The following MLIP variants were observed in gnomAD, a reference collection of about 807,000 sequenced individuals.
MLIP encodes the protein muscular LMNA interacting protein, also known as muscular LMNA-interacting protein.
Under a neutral mutation model 84.8 loss-of-function variants are expected in MLIP, and 79 were observed. That is an observed-to-expected ratio of 0.93 (90% CI 0.78 to 1.12). The LOEUF is 1.12. Among genes scored for constraint, MLIP ranks in the 50% most tolerant of loss-of-function variants. The probability of loss-of-function intolerance (pLI) is 0.00; values close to 1 mark genes in which losing one functional copy is unlikely to be tolerated. For synonymous variants in MLIP, 504 were observed against 463.0 expected (o/e 1.09, Z -1.14); for missense variants, 1,257 against 1,160.6 (o/e 1.08, Z -1.21).
chr6:54,102,563 T>C (rs1300090865), intron 1 of MLIP, among the ~76,000 whole-genome samples: 2 of 152,192 alleles, frequency 1.3e-5, no homozygotes, highest in East Asian at 3.8e-4. Flanking sequence ...TGGTATATCT[T>C]CAAAGTGACA....
Position 54,195,938 on chromosome 6 carries a change from C to T in MLIP, c.2589+6024C>T, listed in dbSNP as rs74936853. Reference sequence around the variant, plus strand: ...TATTTTAAATGAAGAAGATTAAAATCGTGTAAAGTCCCTAAAGAAGTGGCC... The same window carrying T: ...TATTTTAAATGAAGAAGATTAAAATTGTGTAAAGTCCCTAAAGAAGTGGCC... On this transcript the variant is annotated intron_variant, in intron 10 of 13. Transcript: ENST00000502396. Among the ~76,000 whole-genome samples the T allele has an allele frequency of 2.3e-3, 344 of 152,214 alleles. 2 individuals carry two copies. Among genetic ancestry groups the T allele is most frequent in the African/African-American group, 7.3e-3 (305 of 41,558 alleles).
chr6:54,257,383 A>G (rs1783079236), intron 13 of MLIP, 22 bp downstream of exon 13: 1 of 1,524,610 alleles, frequency 6.6e-7, no homozygotes, highest in Non-Finnish European at 9.1e-7. Context: ...ATAGGACTGG[A>G]TATCTAATTA....
chr6:54,059,416 T>C (rs989760404), intron 1 of MLIP, among the ~76,000 whole-genome samples: 2 of 152,218 alleles, frequency 1.3e-5, no homozygotes, highest in Non-Finnish European at 2.9e-5. Flanking sequence ...AATATTACAA[T>C]ACTGCTGCTA....
intron 10 of MLIP, among the ~76,000 whole-genome samples, chr6:54,194,806 T>A (rs559211830): frequency 2.0e-5 from 3 of 151,866 alleles, no homozygotes; most frequent in South Asian, 4.2e-4. Context: ...ATATCTAGAA[T>A]GCCATGTCAA....
chr6:54,099,595 T>C (rs1305987788), intron 1 of MLIP: 2 of 152,208 alleles, frequency 1.3e-5, no homozygotes, highest in African/African-American at 4.8e-5. Context: ...TCAGCGTCTC[T>C]AACCCTTTTC....
intron 12 of MLIP, among the ~76,000 whole-genome samples, chr6:54,252,284 ATATAT>A (rs1368576123): frequency 8.6e-6 from 1 of 115,908 alleles, no homozygotes; most frequent in Non-Finnish European, 1.6e-5. Context: ...TATAACTATA[ATATAT>A]TATACCATAT....
At chr6:54,089,386 C>A (rs2150368822) in intron 1 of MLIP, among the ~76,000 whole-genome samples, 1 of 152,162 alleles carries the variant, frequency 6.6e-6, no homozygotes, top group South Asian at 2.1e-4. Flanking sequence ...GTTTTATATC[C>A]CAAGGCCACA....
chr6:54,041,624 A>G (rs900957966), intron 1 of MLIP, among the ~76,000 whole-genome samples: 2 of 152,112 alleles, frequency 1.3e-5, no homozygotes, highest in Non-Finnish European at 2.9e-5. Context: ...TCATCCTAAT[A>G]GGCACGTGCT....
chr6:54,209,812 A>G (rs1197572483), intron 11 of MLIP, among the ~76,000 whole-genome samples: 1 of 152,190 alleles, frequency 6.6e-6, no homozygotes, highest in Non-Finnish European at 1.5e-5. Context: ...TTAGTGCTGT[A>G]TAGCACTAAA....
At chr6:54,099,326 G>A (rs1768463686) in intron 1 of MLIP, among the ~76,000 whole-genome samples, 1 of 151,944 alleles carries the variant, frequency 6.6e-6, no homozygotes, top group Admixed American at 6.5e-5. Context: ...AAAGAAAGAA[G>A]GCTTTCTGTC....
chr6:54,028,797 C>T (rs552187587), intron 1 of MLIP: 1 of 152,330 alleles, frequency 6.6e-6, no homozygotes, highest in East Asian at 1.9e-4. Context: ...TTCAGCCCTT[C>T]TTTACAGTCA....
chr6:54,132,611 G>T (rs1771474381), intron 3 of MLIP, among the ~76,000 whole-genome samples: 1 of 152,228 alleles, frequency 6.6e-6, no homozygotes, highest in Admixed American at 6.5e-5. Context: ...AAAGTTTTTG[G>T]AAAAGCTGTT....
intron 1 of MLIP, among the ~76,000 whole-genome samples, chr6:54,068,037 TTC>T (rs1379791091): frequency 1.9e-4 from 8 of 41,678 alleles, no homozygotes; most frequent in African/African-American, 3.6e-4. Flanking sequence ...CCTTCCTTTT[TTC>T]TTTCCTTCCT....
chr6:54,257,539 G>T (rs1783090410), intron 13 of MLIP, among the ~76,000 whole-genome samples, 178 bp downstream of exon 13: 1 of 152,032 alleles, frequency 6.6e-6, no homozygotes, highest in Admixed American at 6.6e-5. Flanking sequence ...GTAAATTCTT[G>T]CTGCCTCTCA....
chr6:54,239,557 G>A (rs1245923042), intron 12 of MLIP, among the ~76,000 whole-genome samples: 1 of 150,714 alleles, frequency 6.6e-6, no homozygotes, highest in Non-Finnish European at 1.5e-5. Context: ...GATCATTTGA[G>A]GTCAGGAGTT....
chr6:54,160,047 G>A (rs1330992027), intron 5 of MLIP, among the ~76,000 whole-genome samples: 1 of 151,900 alleles, frequency 6.6e-6, no homozygotes, highest in Non-Finnish European at 1.5e-5. Context: ...TCTGATCTTC[G>A]ACAAACCTGA....
intron 11 of MLIP, among the ~76,000 whole-genome samples, chr6:54,205,460 G>A (rs1486707953): frequency 5.3e-5 from 8 of 152,214 alleles, no homozygotes; most frequent in African/African-American, 1.9e-4. Context: ...TGTTGGATGG[G>A]ATTGTTAAGT....
At chr6:54,061,122 T>C (rs1467546843) in intron 1 of MLIP, among the ~76,000 whole-genome samples, 1 of 152,184 alleles carries the variant, frequency 6.6e-6, no homozygotes, top group Non-Finnish European at 1.5e-5. Flanking sequence ...TCTGGAACTC[T>C]AGAAACAGTA....
chr6:54,192,200 G>C (rs1415253839), intron 10 of MLIP, among the ~76,000 whole-genome samples: 1 of 138,356 alleles, frequency 7.2e-6, no homozygotes, highest in Non-Finnish European at 1.6e-5. Flanking sequence ...AGGAGTTCAA[G>C]GCATTTCTTA....
Sources: allele counts gnomAD v4.1 joint callset (sites outside exome capture counted in the v4.1 genomes callset), GRCh38; gene constraint gnomAD v4.1.1; transcripts MANE v1.5; gene names NCBI Gene and HGNC (gene_info 2026-07-23, HGNC 2026-07-21).